The following UBE3D variants were observed in gnomAD, a reference collection of about 807,000 sequenced individuals.
UBE3D encodes E3 ubiquitin-protein ligase E3D.
A neutral mutation model predicts 49.6 loss-of-function variants in UBE3D; 48 were observed. The ratio of observed to expected loss-of-function variants is 0.97; its 90% CI spans 0.77 to 1.23. The LOEUF (loss-of-function observed/expected upper bound fraction) is 1.23, where lower values mean the gene tolerates loss of function less well. UBE3D is among the 50% of genes most tolerant of loss of function. The pLI, the probability that UBE3D is intolerant of heterozygous loss-of-function variation, is 0.00. For missense variants in UBE3D, 452 were observed against 468.4 expected (o/e 0.96, Z 0.32); for synonymous variants, 189 against 174.2 (o/e 1.08, Z -0.67).
At chr6:82,990,822 C>G (rs1332249492) in intron 8 of UBE3D, among the ~76,000 whole-genome samples, 3 of 152,150 alleles carry the variant, frequency 2.0e-5, no homozygotes, top group African/African-American at 7.2e-5. Context: ...CTGAAGCCCT[C>G]AAAATCATCT....
At chr6:83,045,405 GCTA>G (rs1234347923) in intron 3 of UBE3D, among the ~76,000 whole-genome samples, 2 of 152,046 alleles carry the variant, frequency 1.3e-5, no homozygotes, top group Non-Finnish European at 2.9e-5. Context: ...ATCTAGTTTT[GCTA>G]CTTATAGTCT....
At chr6:82,895,093 C>G (rs989751821) in intron 9 of UBE3D, among the ~76,000 whole-genome samples, 1 of 152,074 alleles carries the variant, frequency 6.6e-6, no homozygotes, top group Admixed American at 6.5e-5. Context: ...AGGCAGATGG[C>G]TTGAGGTTAG....
At chr6:83,016,364 G>A (rs1300515815) in intron 8 of UBE3D, among the ~76,000 whole-genome samples, 1 of 152,132 alleles carries the variant, frequency 6.6e-6, no homozygotes. Flanking sequence ...AGTGTCAAAT[G>A]TATGTATTTT....
chr6:82,919,832 G>A (rs1773197525), intron 9 of UBE3D, among the ~76,000 whole-genome samples: 1 of 151,952 alleles, frequency 6.6e-6, no homozygotes, highest in Admixed American at 6.6e-5. Flanking sequence ...GATGGACCTG[G>A]TTACTTTAGG....
intron 5 of UBE3D, among the ~76,000 whole-genome samples, chr6:83,030,002 A>G (rs1389161201): frequency 2.6e-5 from 4 of 152,216 alleles, no homozygotes; most frequent in Non-Finnish European, 5.9e-5. Flanking sequence ...TCAAAGTCAC[A>G]GCAAATTCAC....
intron 5 of UBE3D, among the ~76,000 whole-genome samples, chr6:83,032,944 C>G (rs1463007036): frequency 6.6e-6 from 1 of 152,148 alleles, no homozygotes; most frequent in Non-Finnish European, 1.5e-5. Flanking sequence ...TACTGTGAGT[C>G]TATTAAACCT....
the UBE3D span, among the ~76,000 whole-genome samples, chr6:82,882,274 C>T: frequency 6.6e-6 from 1 of 152,108 alleles, no homozygotes; most frequent in East Asian, 1.9e-4. Context: ...TTTCCTAAAA[C>T]CTTTTAACAG....
intron 8 of UBE3D, among the ~76,000 whole-genome samples, chr6:83,005,472 A>C (rs1001774445): frequency 6.6e-6 from 1 of 152,078 alleles, no homozygotes; most frequent in Non-Finnish European, 1.5e-5. Context: ...CAGCAAACCC[A>C]CTTCTAGATA....
At chr6:83,058,782 C>T (rs138545399) in intron 1 of UBE3D, among the ~76,000 whole-genome samples, 2,672 of 150,064 alleles carry the variant, frequency 0.018, 44 homozygotes, top group Admixed American at 0.058. Context: ...CCTTAGAAAT[C>T]TGCCTTAGAA....
chr6:82,927,950 T>C (rs1354631934), intron 9 of UBE3D, among the ~76,000 whole-genome samples: 2 of 152,022 alleles, frequency 1.3e-5, no homozygotes, highest in Admixed American at 6.6e-5. Context: ...AACTACTCTG[T>C]ATGATACTAT....
At chr6:82,904,588 A>G (rs1771965718) in intron 9 of UBE3D, among the ~76,000 whole-genome samples, 1 of 152,220 alleles carries the variant, frequency 6.6e-6, no homozygotes, top group South Asian at 2.1e-4. Context: ...GGCACAGATG[A>G]GGCCTTTGAT....
chr6:82,887,657 G>C (rs76276604), downstream of UBE3D, among the ~76,000 whole-genome samples: 1 of 150,244 alleles, frequency 6.7e-6, no homozygotes, highest in Non-Finnish European at 1.5e-5. Flanking sequence ...TGCGGTGAGC[G>C]AAGATGGCGC....
chr6:82,957,427 T>TCA lies in UBE3D; in HGVS notation c.1032_1033dup (p.Asp345ValfsTer8), dbSNP rs752594349. On this transcript the variant is annotated frameshift_variant, in exon 9 of 10. Coordinates refer to ENST00000369747, the MANE Select transcript of UBE3D (RefSeq NM_198920.3). LOFTEE classifies it high-confidence loss of function. Reference sequence around the variant, plus strand: ...CAGGGTTAGCGGGTGGACGCTGATGTCACTTTCCCACAAGCTGACAAGTCT... The same window carrying TCA: ...CAGGGTTAGCGGGTGGACGCTGATGTCACACTTTCCCACAAGCTGACAAGTCT... The TCA allele has an allele frequency of 1.9e-6, 3 of 1,614,042 alleles. No homozygotes were observed. In the South Asian group the frequency reaches 3.3e-5, roughly 18 times the overall value.
chr6:83,019,389 T>C (rs1290491252), intron 7 of UBE3D, among the ~76,000 whole-genome samples: 2 of 148,430 alleles, frequency 1.3e-5, no homozygotes, highest in Middle Eastern at 3.5e-3. Context: ...TTATCCATAA[T>C]ATACAGAGCT....
At chr6:82,936,960 C>T (rs926629115) in intron 9 of UBE3D, among the ~76,000 whole-genome samples, 1 of 152,198 alleles carries the variant, frequency 6.6e-6, no homozygotes, top group Non-Finnish European at 1.5e-5. Context: ...TAGGTCCAGT[C>T]ACGCTGGTTG....
intron 1 of UBE3D, among the ~76,000 whole-genome samples, chr6:83,059,397 T>C (rs1197972612): frequency 1.3e-5 from 2 of 152,056 alleles, no homozygotes; most frequent in East Asian, 1.9e-4. Context: ...GAAAAAAAGA[T>C]ACAGAAGAAA....
At chr6:83,002,840 C>T (rs1779727696) in intron 8 of UBE3D, among the ~76,000 whole-genome samples, 1 of 152,192 alleles carries the variant, frequency 6.6e-6, no homozygotes, top group Non-Finnish European at 1.5e-5. Context: ...TCTTAGACTT[C>T]CCAGCCTCCA....
At position 83,025,277 on chromosome 6, in the gene UBE3D, A is replaced by G. The variant is rs112310270; in HGVS notation, c.668-1239T>C. Among the ~76,000 whole-genome samples, 1,471 of 152,294 alleles carry G rather than the reference A, an allele frequency of 9.7e-3. 22 individuals are homozygous for G. Among genetic ancestry groups the G allele is most frequent in the African/African-American group, 0.034 (1,394 of 41,562 alleles). ...CCAGAATCTCAATGACTCTATTGAT[A>G]TACAATTCTCACTAAATCTGGTTAT... is the stretch of plus-strand genomic sequence containing the variant. On this transcript the variant is annotated intron_variant, in intron 5 of 9. Coordinates refer to ENST00000369747, the MANE Select transcript of UBE3D (RefSeq NM_198920.3).
the UBE3D span, among the ~76,000 whole-genome samples, chr6:82,883,211 G>GT: frequency 6.6e-6 from 1 of 152,120 alleles, no homozygotes; most frequent in Non-Finnish European, 1.5e-5. Flanking sequence ...AGAAATAAAT[G>GT]TTTTTAGTCT....
Sources: allele counts gnomAD v4.1 joint callset (sites outside exome capture counted in the v4.1 genomes callset), GRCh38; gene constraint gnomAD v4.1.1; transcripts MANE v1.5; gene names NCBI Gene and HGNC (gene_info 2026-07-23, HGNC 2026-07-21).